The following PXDNL variants were observed in gnomAD, a reference collection of about 807,000 sequenced individuals.
The protein encoded by PXDNL is peroxidasin like.
PXDNL carries 145 observed loss-of-function variants against 150.8 expected under a neutral mutation model. The ratio of observed to expected loss-of-function variants is 0.96; its 90% confidence interval spans 0.84 to 1.10. The LOEUF (loss-of-function observed/expected upper bound fraction) is 1.10. Among genes scored for constraint, PXDNL ranks in the 50% least tolerant of loss-of-function variants. PXDNL has a pLI of 0.00. For synonymous variants in PXDNL, 757 were observed against 725.7 expected, an observed-to-expected ratio of 1.04 and a Z score of -0.69; for missense variants, 2,087 against 1,873.9, an observed-to-expected ratio of 1.11 and a Z score of -2.10.
chr8:51,513,839 C>A (rs1009337976), intron 4 of PXDNL, among the ~76,000 whole-genome samples: 1 of 152,208 alleles, frequency 6.6e-6, no homozygotes, highest in African/African-American at 2.4e-5. Context: ...GCCTGGAAGA[C>A]TCTCCCAATT....
chr8:51,758,676 C>T (rs916737961), intron 1 of PXDNL, among the ~76,000 whole-genome samples: 1 of 152,166 alleles, frequency 6.6e-6, no homozygotes, highest in African/African-American at 2.4e-5. Context: ...ATTCTCCTTC[C>T]TGCCACCTTG....
chr8:51,444,767 T>G (rs1809635497), intron 12 of PXDNL, among the ~76,000 whole-genome samples: 1 of 152,182 alleles, frequency 6.6e-6, no homozygotes, highest in South Asian at 2.1e-4. Flanking sequence ...ATTAATTCAC[T>G]CTTCCATTCC....
intron 1 of PXDNL, among the ~76,000 whole-genome samples, chr8:51,719,766 T>G (rs1302964522): frequency 1.3e-5 from 2 of 152,164 alleles, no homozygotes; most frequent in African/African-American, 4.8e-5. Flanking sequence ...ACTCCACATC[T>G]TCCTGGATTG....
intron 1 of PXDNL, among the ~76,000 whole-genome samples, chr8:51,757,890 T>A (rs1295416527): frequency 1.4e-4 from 21 of 152,046 alleles, no homozygotes; most frequent in Admixed American, 1.4e-3. Flanking sequence ...TGACATGAAC[T>A]TATTCTAAGT....
chr8:51,789,310 A>G (rs1453206071), intron 1 of PXDNL, among the ~76,000 whole-genome samples: 1 of 152,006 alleles, frequency 6.6e-6, no homozygotes, highest in East Asian at 1.9e-4. Flanking sequence ...ATTTGTCCTC[A>G]GAATGCCCTG....
intron 19 of PXDNL, among the ~76,000 whole-genome samples, chr8:51,369,400 T>C (rs979401713): frequency 7.2e-5 from 11 of 152,180 alleles, no homozygotes; most frequent in African/African-American, 2.7e-4. Flanking sequence ...AAGAAGCCCA[T>C]CCCATAAGAA....
chr8:51,687,346 TAAC>T (rs1339297652), intron 1 of PXDNL, among the ~76,000 whole-genome samples: 6 of 152,200 alleles, frequency 3.9e-5, no homozygotes, highest in South Asian at 4.1e-4. Flanking sequence ...ATATGAAAAA[TAAC>T]AAGATATGGT....
rs139112734 is a variant in PXDNL, at chr8:51,772,237, TACACACACAC to T, written c.164+36934_164+36943del. Among the ~76,000 whole-genome samples, 353 of 130,430 alleles carry T rather than the reference TACACACACAC, an allele frequency of 2.7e-3. 2 individuals carry two copies. Among genetic ancestry groups the T allele is most frequent in the African/African-American group, 8.9e-3 (341 of 38,346 alleles). The allele number at this position is 130,430 out of a possible 152,430, so 85.6% of individuals were successfully genotyped here. On this transcript the variant is annotated intron_variant, in intron 1 of 22. Transcript: ENST00000356297. ...CTCTCTCTTTCTCTCTCTCTCTATATACACACACACACACACACACACACACATATACAGC... is the reference window on the plus strand; with the variant it reads ...CTCTCTCTTTCTCTCTCTCTCTATATACACACACACACACACATATACAGC...
chr8:51,477,764 C>G (rs1563429367), intron 6 of PXDNL, among the ~76,000 whole-genome samples: 1 of 152,168 alleles, frequency 6.6e-6, no homozygotes, highest in Admixed American at 6.5e-5. Context: ...GCAATTGCCC[C>G]ATCTTCCAGA....
chr8:51,432,993 T>A (rs1366975043), intron 12 of PXDNL, among the ~76,000 whole-genome samples: 1 of 152,052 alleles, frequency 6.6e-6, no homozygotes, highest in Admixed American at 6.6e-5. Context: ...GGGGAACACT[T>A]GAGCCCAGGA....
At chr8:51,786,092 A>G (rs886702508) in intron 1 of PXDNL, among the ~76,000 whole-genome samples, 4 of 152,244 alleles carry the variant, frequency 2.6e-5, no homozygotes, top group African/African-American at 9.6e-5. Flanking sequence ...TCTACAGGAA[A>G]AAAGCACCTT....
In PXDNL at chr8:51,395,667, C is replaced by G. The variant is rs560772958; in HGVS notation, c.3557+12400G>C. On this transcript the variant is annotated intron_variant, in intron 17 of 22. Transcript: ENST00000356297. The stretch of plus-strand genomic sequence containing the variant: ...ATATAATTTGGTTTCAAAGAGGATA[C>G]GAAATGTTATAGAGGAACTGAAAAA... Among the ~76,000 whole-genome samples, 25 of 151,876 alleles carry G rather than the reference C, an allele frequency of 1.6e-4. No homozygotes were observed. The East Asian group carries it at 4.1e-3, about 25-fold the overall frequency.
chr8:51,438,598 C>T (rs1000913993), intron 12 of PXDNL, among the ~76,000 whole-genome samples: 57 of 152,162 alleles, frequency 3.7e-4, no homozygotes, highest in African/African-American at 1.3e-3. Flanking sequence ...GCCTATAGTC[C>T]CAGCTACTCA....
chr8:51,522,419 T>C (rs1023477993), intron 4 of PXDNL, among the ~76,000 whole-genome samples: 4 of 152,192 alleles, frequency 2.6e-5, no homozygotes, highest in African/African-American at 7.2e-5. Context: ...ACTGGCACGC[T>C]GAGCTCCAGC....
intron 4 of PXDNL, among the ~76,000 whole-genome samples, chr8:51,548,144 A>T (rs1812403559): frequency 6.6e-6 from 1 of 152,070 alleles, no homozygotes; most frequent in African/African-American, 2.4e-5. Context: ...GACAAAGACA[A>T]AGAAAAAAGA....
At chr8:51,353,207 A>C (rs1409969845) in intron 19 of PXDNL, among the ~76,000 whole-genome samples, 1 of 150,174 alleles carries the variant, frequency 6.7e-6, no homozygotes, top group African/African-American at 2.4e-5. Context: ...TATTAGATGA[A>C]TATATAATTT....
At chr8:51,550,377 C>CA (rs1385731372) in intron 4 of PXDNL, among the ~76,000 whole-genome samples, 1 of 151,684 alleles carries the variant, frequency 6.6e-6, no homozygotes, top group African/African-American at 2.4e-5. Flanking sequence ...GATGATGTAA[C>CA]AAAAAAAGAA....
intron 4 of PXDNL, among the ~76,000 whole-genome samples, chr8:51,522,442 A>T (rs1362035692): frequency 1.3e-5 from 2 of 152,236 alleles, no homozygotes; most frequent in Non-Finnish European, 2.9e-5. Flanking sequence ...TAAAGGACTT[A>T]TTGAAAAACT....
At chr8:51,798,194 T>C (rs951675530) in intron 1 of PXDNL, among the ~76,000 whole-genome samples, 5 of 152,124 alleles carry the variant, frequency 3.3e-5, no homozygotes, top group African/African-American at 1.2e-4. Context: ...CAAGATGGAT[T>C]AAAGACTTAA....
Sources: allele counts gnomAD v4.1 joint callset (sites outside exome capture counted in the v4.1 genomes callset), GRCh38; gene constraint gnomAD v4.1.1; transcripts MANE v1.5; gene names NCBI Gene and HGNC (gene_info 2026-07-23, HGNC 2026-07-21).